The following NREP variants were observed in gnomAD, a reference collection of about 807,000 sequenced individuals.
The protein encoded by NREP is neuronal regeneration related protein.
A neutral mutation model predicts 8.6 loss-of-function variants in NREP; 5 were observed. The ratio of observed to expected loss-of-function variants is 0.58; its 90% CI spans 0.30 to 1.22. The LOEUF is 1.22. Among genes scored for constraint, NREP ranks in the 50% most tolerant of loss-of-function variants. NREP has a pLI of 0.07. For missense variants in NREP, 86 were observed against 82.5 expected, an observed-to-expected ratio of 1.04 and a Z score of -0.17; for synonymous variants, 27 against 28.0, an observed-to-expected ratio of 0.96 and a Z score of 0.11.
At chr5:111,904,531 T>C (rs1418145950) in intron 2 of NREP, among the ~76,000 whole-genome samples, 2 of 152,156 alleles carry the variant, frequency 1.3e-5, no homozygotes, top group Admixed American at 1.3e-4. Flanking sequence ...TCAGGCTGTT[T>C]TCTCTCACTA....
At chr5:111,907,423 C>T (rs959156305) in intron 2 of NREP, among the ~76,000 whole-genome samples, 2 of 152,026 alleles carry the variant, frequency 1.3e-5, no homozygotes, top group Non-Finnish European at 2.9e-5. Context: ...GTTCCAGCAA[C>T]ATTTTTTGAA....
At chr5:111,757,258 G>T, upstream of NREP, 1 of 294,004 alleles carries the variant, frequency 3.4e-6, no homozygotes, top group Non-Finnish European at 4.9e-6. Flanking sequence ...GGGGGAGGGA[G>T]GGGGAGGGGA....
intron 2 of NREP, among the ~76,000 whole-genome samples, chr5:111,837,480 A>T (rs1752923647): frequency 6.6e-6 from 1 of 152,078 alleles, no homozygotes; most frequent in Non-Finnish European, 1.5e-5. Flanking sequence ...TCAAAAAGAG[A>T]AAACAAGAAA....
chr5:111,861,510 C>T (rs1413561695), intron 2 of NREP, among the ~76,000 whole-genome samples: 1 of 152,116 alleles, frequency 6.6e-6, no homozygotes, highest in Non-Finnish European at 1.5e-5. Context: ...ATTGTACCTT[C>T]CACAGATCTC....
At chr5:111,749,959 A>AGT (rs760168193) in intron 2 of NREP, among the ~76,000 whole-genome samples, 1 of 152,088 alleles carries the variant, frequency 6.6e-6, no homozygotes, top group Non-Finnish European at 1.5e-5. Flanking sequence ...TAAGTGAGTG[A>AGT]GTGTGTGTGT....
intron 2 of NREP, among the ~76,000 whole-genome samples, chr5:111,868,820 T>C (rs1053453269): frequency 2.0e-5 from 3 of 150,048 alleles, no homozygotes; most frequent in Admixed American, 1.3e-4. Flanking sequence ...ATTTGAAGCA[T>C]CATCCAGTTT....
chr5:111,951,959 A>T (rs1756172608), intron 2 of NREP, among the ~76,000 whole-genome samples: 1 of 152,066 alleles, frequency 6.6e-6, no homozygotes, highest in Non-Finnish European at 1.5e-5. Flanking sequence ...GATTTCACTT[A>T]GAGCTCCTCT....
At chr5:111,941,962 G>A (rs566086901) in intron 2 of NREP, among the ~76,000 whole-genome samples, 1 of 152,108 alleles carries the variant, frequency 6.6e-6, no homozygotes, top group South Asian at 2.1e-4. Flanking sequence ...ACCGTGTGTG[G>A]ACTCTGAATT....
intron 2 of NREP, among the ~76,000 whole-genome samples, chr5:111,943,999 C>G (rs1389377501): frequency 6.6e-6 from 1 of 152,022 alleles, no homozygotes; most frequent in African/African-American, 2.4e-5. Context: ...ATTGAGAGAG[C>G]TGATGAATAT....
rs142076866 is a variant in NREP, at chr5:111,855,458, A to G, written c.135+119816T>C. On this transcript the variant is annotated intron_variant, in intron 2 of 3. Coordinates refer to the NREP transcript ENST00000395634. ...AAGCTTTTTAACCAAATAGGTCTAT[A>G]ATCCCACCTCCCAAATCACTCAATG... 2.0e-5 allele frequency among the ~76,000 whole-genome samples: 3 copies of G among 152,278 alleles called. No homozygotes were observed. In the East Asian group the frequency reaches 5.8e-4, roughly 29 times the overall value.
chr5:111,794,676 A>C (rs1751835593), intron 2 of NREP, among the ~76,000 whole-genome samples: 1 of 152,190 alleles, frequency 6.6e-6, no homozygotes. Context: ...GTTTGGTAAG[A>C]GGTGAGAGGG....
At chr5:111,915,968 T>A (rs1448423707) in intron 2 of NREP, among the ~76,000 whole-genome samples, 2 of 152,078 alleles carry the variant, frequency 1.3e-5, no homozygotes, top group African/African-American at 4.8e-5. Flanking sequence ...AGCAGCTCAT[T>A]ATTCATGCCA....
chr5:111,890,959 G>C (rs1754380782), intron 2 of NREP, among the ~76,000 whole-genome samples: 1 of 152,220 alleles, frequency 6.6e-6, no homozygotes, highest in African/African-American at 2.4e-5. Context: ...TCTAGCAAGA[G>C]GTTGCACAGC....
intron 2 of NREP, among the ~76,000 whole-genome samples, chr5:111,765,224 T>G (rs1221753561): frequency 6.6e-6 from 1 of 152,140 alleles, no homozygotes; most frequent in Non-Finnish European, 1.5e-5. Context: ...CAGTTCACAG[T>G]AGGGTTCACA....
intron 2 of NREP, among the ~76,000 whole-genome samples, chr5:111,917,538 T>C (rs974667926): frequency 7.2e-5 from 11 of 152,166 alleles, no homozygotes; most frequent in African/African-American, 1.7e-4. Context: ...CTCCCTGGGA[T>C]GCAAGTCTTA....
intron 2 of NREP, among the ~76,000 whole-genome samples, chr5:111,971,043 A>C (rs1756802376): frequency 6.6e-6 from 1 of 152,066 alleles, no homozygotes; most frequent in South Asian, 2.1e-4. Flanking sequence ...ACCATTTTTA[A>C]CAAGTTCCCC....
chr5:111,899,118 A>G (rs1181461344), intron 2 of NREP, among the ~76,000 whole-genome samples: 1 of 152,218 alleles, frequency 6.6e-6, no homozygotes, highest in African/African-American at 2.4e-5. Flanking sequence ...GCAAAGGACA[A>G]TATATAATAT....
At chr5:111,755,896 T>C in intron 1 of NREP, 66 bp from the exon 2 acceptor site, 1 of 1,591,388 alleles carries the variant, frequency 6.3e-7, no homozygotes, top group South Asian at 1.1e-5. Context: ...GAAAAATGCC[T>C]CTTTAGAGGT....
At chr5:111,750,710 G>C (rs761099688) in intron 2 of NREP, among the ~76,000 whole-genome samples, 12 of 152,330 alleles carry the variant, frequency 7.9e-5, no homozygotes, top group Non-Finnish European at 1.6e-4. Context: ...ACTGAACTAA[G>C]TGAAGGCTAG....
Sources: gnomAD v4.1 joint callset for allele counts (sites outside exome capture counted in the v4.1 genomes callset) on GRCh38, gnomAD v4.1.1 for gene constraint, MANE v1.5 for transcripts, NCBI Gene and HGNC (gene_info 2026-07-23, HGNC 2026-07-21) for gene names.